The following CORO2B variants were observed in gnomAD, a reference collection of about 807,000 sequenced individuals.
CORO2B encodes coronin 2B.
A neutral mutation model predicts 58.8 loss-of-function variants in CORO2B; 26 were observed. The ratio of observed to expected loss-of-function variants is 0.44; its 90% CI spans 0.32 to 0.61. The LOEUF is 0.61. Ranked by LOEUF, CORO2B falls within the 20% of genes least tolerant of loss-of-function variation. The pLI, the probability that CORO2B is intolerant of heterozygous loss-of-function variation, is 0.04. For synonymous variants in CORO2B, 242 were observed against 253.8 expected (o/e 0.95, Z 0.44); for missense variants, 460 against 645.1 (o/e 0.71, Z 3.11).
intron 11 of CORO2B, among the ~76,000 whole-genome samples, chr15:68,720,744 A>G (rs1031005086): frequency 4.6e-5 from 7 of 152,130 alleles, no homozygotes; most frequent in African/African-American, 1.4e-4. Context: ...TCTTTCTGTC[A>G]CCTAATCTTG....
the CORO2B span, among the ~76,000 whole-genome samples, chr15:68,562,773 G>A: frequency 2.0e-5 from 3 of 152,044 alleles, no homozygotes; most frequent in Non-Finnish European, 4.4e-5. Context: ...TCAGGAGATC[G>A]AAACCATCCT....
chr15:68,575,188 C>T (rs1164251451), upstream of CORO2B, among the ~76,000 whole-genome samples: 1 of 152,146 alleles, frequency 6.6e-6, no homozygotes, highest in African/African-American at 2.4e-5. Context: ...GAAGGTAATG[C>T]CCTCGGGTCA....
intron 1 of CORO2B, among the ~76,000 whole-genome samples, chr15:68,601,432 G>A (rs1424957365): frequency 1.3e-5 from 2 of 152,234 alleles, no homozygotes; most frequent in Admixed American, 6.5e-5. Flanking sequence ...AAAACGGTAA[G>A]TGTGGCAGAG....
At chr15:68,534,819 G>C in the CORO2B span, among the ~76,000 whole-genome samples, 1 of 152,310 alleles carries the variant, frequency 6.6e-6, no homozygotes, top group South Asian at 2.1e-4. Flanking sequence ...AGTTCCATGT[G>C]GCTGGGGAGG....
intron 1 of CORO2B, among the ~76,000 whole-genome samples, chr15:68,638,971 A>G (rs537696913): frequency 8.5e-4 from 129 of 152,240 alleles, no homozygotes; most frequent in African/African-American, 3.1e-3. Flanking sequence ...CTGGGTTCAG[A>G]GGTGTTGGTA....
chr15:68,720,067 C>G (rs1404484212), intron 11 of CORO2B, among the ~76,000 whole-genome samples: 1 of 152,160 alleles, frequency 6.6e-6, no homozygotes, highest in Non-Finnish European at 1.5e-5. Context: ...GTATTTCGTT[C>G]CAGCCCACAC....
intron 3 of CORO2B, among the ~76,000 whole-genome samples, chr15:68,703,434 A>G (rs1892707934): frequency 6.6e-6 from 1 of 152,092 alleles, no homozygotes; most frequent in African/African-American, 2.4e-5. Context: ...TACAGGTGTG[A>G]GCCACCTCGC....
rs1348293841 is a variant in CORO2B at position 68,709,469 on chromosome 15, T to G, written c.334-1263T>G. ...AGATTTTTTTTTCGTGTTTTTTTTT[T>G]TTTTTTTTTTTAGACAGAGTCTTGC... On this transcript the variant is annotated intron_variant, in intron 3 of 11. Transcript: ENST00000261861. Among the ~76,000 whole-genome samples, 4 of 149,498 alleles carry G rather than the reference T, an allele frequency of 2.7e-5. No individual in the cohort carries two copies. The East Asian group carries it at 5.8e-4, about 22-fold the overall frequency.
chr15:68,578,197 C>A (rs1899325229), upstream of CORO2B, among the ~76,000 whole-genome samples: 1 of 152,276 alleles, frequency 6.6e-6, no homozygotes, highest in Non-Finnish European at 1.5e-5. This position sits in a 1 kb window ranked among gnomAD's most constrained non-coding sequence, Gnocchi z 4.2. Flanking sequence ...CAGGACGCAC[C>A]TGTGTTATCA....
At chr15:68,522,552 C>T in the CORO2B span, among the ~76,000 whole-genome samples, 3 of 152,082 alleles carry the variant, frequency 2.0e-5, no homozygotes, top group African/African-American at 7.2e-5. Context: ...TGGGTTCAAG[C>T]GATTCTCCTG....
chr15:68,640,028 A>G (rs1566992291), intron 1 of CORO2B, among the ~76,000 whole-genome samples: 1 of 152,210 alleles, frequency 6.6e-6, no homozygotes, highest in Non-Finnish European at 1.5e-5. Context: ...AGCCTCGGCA[A>G]GGCCTCCTCT....
At chr15:68,650,211 A>G (rs951339195) in intron 2 of CORO2B, among the ~76,000 whole-genome samples, 2 of 152,136 alleles carry the variant, frequency 1.3e-5, no homozygotes, top group Non-Finnish European at 2.9e-5. Flanking sequence ...TCTACTAAAA[A>G]TACAAAATTA....
intron 2 of CORO2B, among the ~76,000 whole-genome samples, chr15:68,651,173 G>C (rs1901627905): frequency 6.6e-6 from 1 of 152,206 alleles, no homozygotes; most frequent in Non-Finnish European, 1.5e-5. Context: ...GGGACTATGG[G>C]ACGCAGGGTC....
chr15:68,701,548 C>T (rs545837114), intron 3 of CORO2B, among the ~76,000 whole-genome samples: 17 of 130,018 alleles, frequency 1.3e-4, no homozygotes, highest in Admixed American at 1.0e-3. Context: ...TGCAGTGGCG[C>T]GATCTCGACT....
chr15:68,577,976 TG>T (rs889278001), upstream of CORO2B, among the ~76,000 whole-genome samples: 7 of 152,010 alleles, frequency 4.6e-5, no homozygotes, highest in Non-Finnish European at 2.9e-5. Flanking sequence ...CAGGCTGTCC[TG>T]CTTGGAGAAC....
the CORO2B span, among the ~76,000 whole-genome samples, chr15:68,570,237 G>A: frequency 6.6e-6 from 1 of 152,200 alleles, no homozygotes; most frequent in Admixed American, 6.5e-5. Context: ...GCCTCTTCCA[G>A]CCTAAATGAG....
intron 1 of CORO2B, among the ~76,000 whole-genome samples, chr15:68,619,747 G>A (rs8025344): frequency 2.2e-4 from 33 of 150,902 alleles, no homozygotes; most frequent in African/African-American, 7.9e-4. Context: ...ATATGAGTGC[G>A]TGCATGCGTG....
chr15:68,632,479 A>T (rs1345006216), intron 1 of CORO2B: 1 of 968,894 alleles, frequency 1.0e-6, no homozygotes, highest in Non-Finnish European at 1.2e-6. Context: ...GGCTCTTAAG[A>T]TATTTTGTGG....
rs977656528 is a variant in CORO2B at position 68,660,413 on chromosome 15, G to A, written c.216+15053G>A. Among the ~76,000 whole-genome samples the A allele has an allele frequency of 5.9e-5, 9 of 152,126 alleles. No homozygotes were observed. The South Asian group carries it at 6.2e-4, about 11-fold the overall frequency. ...TTTGGCAGGCTCTTGCTCTGTTGCC[G>A]TGGCTGGAGTGCAGTGGCATGATCA... is the stretch of plus-strand genomic sequence containing the variant. On this transcript the variant is annotated intron_variant, in intron 2 of 11. Coordinates refer to ENST00000261861, the MANE Select transcript of CORO2B (RefSeq NM_006091.5).
Sources: gnomAD v4.1 joint callset for allele counts (sites outside exome capture counted in the v4.1 genomes callset) on GRCh38, gnomAD v4.1.1 for gene constraint, Gnocchi (gnomAD v3.1) non-coding constraint, MANE v1.5 for transcripts, NCBI Gene and HGNC (gene_info 2026-07-23, HGNC 2026-07-21) for gene names.